Variants in EPHB2 observed in about 807,000 individuals in gnomAD.
The protein encoded by EPHB2 is ephrin type-B receptor 2.
EPHB2 carries 18 observed loss-of-function variants against 96.4 expected under a neutral mutation model. That is an observed-to-expected ratio of 0.19 (90% CI 0.13 to 0.28). The LOEUF (loss-of-function observed/expected upper bound fraction) is 0.28, where lower values mean the gene tolerates loss of function less well. EPHB2 is among the 10% of genes least tolerant of loss of function. The pLI, the probability that EPHB2 is intolerant of heterozygous loss-of-function variation, is 1.00. For synonymous variants in EPHB2, 506 were observed against 534.1 expected (o/e 0.95, Z 0.72); for missense variants, 989 against 1,355.4 (o/e 0.73, Z 4.25).
chr1:22,758,887 A>C (rs1361468397), intron 1 of EPHB2, among the ~76,000 whole-genome samples: 1 of 102,332 alleles, frequency 9.8e-6, no homozygotes, highest in African/African-American at 3.8e-5. Flanking sequence ...GGATGAATGG[A>C]TGGCTGGCTG....
intron 5 of EPHB2, among the ~76,000 whole-genome samples, chr1:22,879,025 C>T (rs1475004526): frequency 6.6e-6 from 1 of 152,210 alleles, no homozygotes; most frequent in Non-Finnish European, 1.5e-5. Flanking sequence ...TTGGCCGGCC[C>T]TCTGGGAGAC....
At chr1:22,727,834 G>T (rs1379905085) in intron 1 of EPHB2, among the ~76,000 whole-genome samples, 1 of 149,368 alleles carries the variant, frequency 6.7e-6, no homozygotes, top group African/African-American at 2.5e-5. Context: ...TGGAGATGGG[G>T]TCTCCTCTGT....
At chr1:22,782,872 C>G (rs115078686) in intron 2 of EPHB2, among the ~76,000 whole-genome samples, 1,833 of 152,296 alleles carry the variant, frequency 0.012, 43 homozygotes, top group African/African-American at 0.042. Flanking sequence ...CCCATGTGTA[C>G]TCACCCTTCA....
intron 3 of EPHB2, chr1:22,800,441 A>T (rs1644825908): frequency 6.6e-6 from 1 of 152,146 alleles, no homozygotes. Flanking sequence ...GAGCACACTC[A>T]TGAGTGTGCT....
At position 22,737,063 on chromosome 1, in the gene EPHB2, G is replaced by A. The variant is rs139245858; in HGVS notation, c.61+26020G>A. On this transcript the variant is annotated intron_variant, in intron 1 of 15. Transcript: ENST00000374630. ...CTTGGGCAAGTCATCCAGTGCTTCCGTTTCTAATCTGGCTGCCTTGTGGTT... is the reference window on the plus strand; with the variant it reads ...CTTGGGCAAGTCATCCAGTGCTTCCATTTCTAATCTGGCTGCCTTGTGGTT... Among the ~76,000 whole-genome samples, 463 of 152,284 alleles carry A rather than the reference G, an allele frequency of 3.0e-3. 9 individuals carry two copies. Among genetic ancestry groups the A allele is most frequent in the Non-Finnish European group, 1.2e-3 (83 of 68,018 alleles).
intron 13 of EPHB2, among the ~76,000 whole-genome samples, chr1:22,909,630 G>A (rs990070424): frequency 2.0e-5 from 3 of 152,206 alleles, no homozygotes; most frequent in Admixed American, 6.5e-5. Flanking sequence ...AGTGGGGTTC[G>A]AAAGGTCGCA....
chr1:22,913,379 C>CA lies in EPHB2; in HGVS notation c.2853-83_2853-82insA. 6.4e-7 allele frequency: 1 copy of CA among 1,552,370 alleles called. No individual in the cohort carries two copies. Among genetic ancestry groups the CA allele is most frequent in the Non-Finnish European group, 8.8e-7 (1 of 1,141,912 alleles). ...ACTCCTTGCTTTGCCATCTTCCTCCCGGGGAAGCCCAGGCAGCTCTCTACC... is the reference window on the plus strand; with the variant it reads ...ACTCCTTGCTTTGCCATCTTCCTCCCAGGGGAAGCCCAGGCAGCTCTCTACC... On this transcript the variant is annotated intron_variant, in intron 15 of 15. Transcript: ENST00000374630. This position sits in a 1 kb window ranked among gnomAD's most constrained non-coding sequence, Gnocchi z 4.1.
intron 11 of EPHB2, among the ~76,000 whole-genome samples, chr1:22,907,272 T>A (rs1327055375): frequency 6.6e-6 from 1 of 152,192 alleles, no homozygotes; most frequent in Non-Finnish European, 1.5e-5. Flanking sequence ...CTTCTCATTA[T>A]GCACAGGAGA....
At position 22,824,638 on chromosome 1, in the gene EPHB2, C is replaced by T. The variant is rs553082195; in HGVS notation, c.812-38399C>T. ...TGTTTACTCAGCTCCAGAATGAAGC[C>T]CCGGAGAAGGGCTGTTCATATTTCT... On this transcript the variant is annotated intron_variant, in intron 3 of 15. Coordinates refer to ENST00000374630, the MANE Select transcript of EPHB2 (RefSeq NM_017449.5). 1.7e-4 allele frequency among the ~76,000 whole-genome samples: 26 copies of T among 152,346 alleles called. No homozygotes were observed. In the South Asian group the frequency reaches 2.7e-3, roughly 16 times the overall value.
chr1:22,803,729 ATG>A (rs199964443), intron 3 of EPHB2, among the ~76,000 whole-genome samples: 15 of 147,352 alleles, frequency 1.0e-4, no homozygotes, highest in Non-Finnish European at 1.5e-4. Flanking sequence ...ATATATGTAT[ATG>A]TGTGTGTGTG....
Position 22,875,155 on chromosome 1 carries a change from T to C in EPHB2, c.1304-7204T>C, listed in dbSNP as rs749587195. On this transcript the variant is annotated intron_variant, in intron 5 of 15. Coordinates refer to ENST00000374630, the MANE Select transcript of EPHB2 (RefSeq NM_017449.5). The surrounding 1 kb of genome is among the most constrained non-coding windows in gnomAD (Gnocchi z 4.2). ...ATCAGAAAGAATCAAAGGCCCACTTTCTGGAAGTTTTATTTGCAGAAATTC... is the reference window on the plus strand; with the variant it reads ...ATCAGAAAGAATCAAAGGCCCACTTCCTGGAAGTTTTATTTGCAGAAATTC... Among the ~76,000 whole-genome samples the C allele has an allele frequency of 5.3e-5, 8 of 152,186 alleles. No homozygotes were observed. Among genetic ancestry groups the C allele is most frequent in the Non-Finnish European group, 1.2e-4 (8 of 68,020 alleles).
chr1:22,727,595 G>A (rs1643609093), intron 1 of EPHB2, among the ~76,000 whole-genome samples: 1 of 152,166 alleles, frequency 6.6e-6, no homozygotes, highest in Admixed American at 6.5e-5. Flanking sequence ...GGCCCAGAAG[G>A]GGACAGCTAG....
chr1:22,745,098 G>T (rs553441713), intron 1 of EPHB2, among the ~76,000 whole-genome samples: 1 of 152,278 alleles, frequency 6.6e-6, no homozygotes, highest in South Asian at 2.1e-4. Flanking sequence ...TAAATGAGAT[G>T]AATGCACATG....
chr1:22,862,966 G>C, intron 3 of EPHB2, 71 bp from the exon 4 acceptor site: 1 of 1,604,010 alleles, frequency 6.2e-7, no homozygotes, highest in Non-Finnish European at 8.5e-7. Context: ...CCCTCCGTGA[G>C]GCTGCGTGGC....
At chr1:22,729,540 T>C (rs945337333) in intron 1 of EPHB2, among the ~76,000 whole-genome samples, 3 of 152,194 alleles carry the variant, frequency 2.0e-5, no homozygotes, top group African/African-American at 7.2e-5. Flanking sequence ...GTCTAGGGGT[T>C]CTAGCCACTC....
intron 1 of EPHB2, among the ~76,000 whole-genome samples, chr1:22,768,811 A>G (rs1405972960): frequency 5.9e-5 from 9 of 151,418 alleles, no homozygotes; most frequent in Non-Finnish European, 1.3e-4. Context: ...CGGCCTTTGT[A>G]CAAGCTGTTC....
chr1:22,826,285 G>T (rs941748128), intron 3 of EPHB2, among the ~76,000 whole-genome samples: 3 of 152,178 alleles, frequency 2.0e-5, no homozygotes, highest in African/African-American at 7.2e-5. Flanking sequence ...ACGGCCTTGG[G>T]CTTAAGGAGT....
At chr1:22,771,077 A>G (rs566310652) in intron 1 of EPHB2, among the ~76,000 whole-genome samples, 1 of 152,310 alleles carries the variant, frequency 6.6e-6, no homozygotes, top group East Asian at 1.9e-4. Context: ...CAGAATGATG[A>G]TGTCAGCAGG....
At chr1:22,752,163 A>T (rs189898146) in intron 1 of EPHB2, among the ~76,000 whole-genome samples, 313 of 152,358 alleles carry the variant, frequency 2.1e-3, no homozygotes, top group Non-Finnish European at 3.5e-3. Flanking sequence ...GGTGTTATTT[A>T]TGATTGTTTT....
Sources: allele counts gnomAD v4.1 joint callset (sites outside exome capture counted in the v4.1 genomes callset), GRCh38; gene constraint gnomAD v4.1.1; non-coding constraint Gnocchi (gnomAD v3.1); transcripts MANE v1.5; gene names NCBI Gene and HGNC (gene_info 2026-07-23, HGNC 2026-07-21).